The following TENT4B variants were observed in gnomAD, a reference collection of about 807,000 sequenced individuals.
The protein encoded by TENT4B is PAP associated domain containing 5.
TENT4B carries 10 observed loss-of-function variants against 75.0 expected under a neutral mutation model. That is an observed-to-expected ratio of 0.13 (90% CI 0.08 to 0.23). TENT4B has a LOEUF of 0.23. Among genes scored for constraint, TENT4B ranks in the 10% least tolerant of loss-of-function variants. The probability of loss-of-function intolerance (pLI) is 1.00; values close to 1 mark genes in which losing one functional copy is unlikely to be tolerated. For missense variants in TENT4B, 579 were observed against 893.8 expected, an observed-to-expected ratio of 0.65 and a Z score of 4.49; for synonymous variants, 350 against 357.7, an observed-to-expected ratio of 0.98 and a Z score of 0.24.
intron 1 of TENT4B, among the ~76,000 whole-genome samples, chr16:50,195,268 G>C (rs553965688): frequency 6.6e-6 from 1 of 152,150 alleles, no homozygotes; most frequent in Non-Finnish European, 1.5e-5. Context: ...TAGATGCTTT[G>C]TCCTGGTGAT....
intron 1 of TENT4B, among the ~76,000 whole-genome samples, chr16:50,197,569 G>C (rs1307734516): frequency 6.6e-6 from 1 of 152,192 alleles, no homozygotes; most frequent in Non-Finnish European, 1.5e-5. Context: ...GATTACAGGC[G>C]TGAGCCACCA....
At chr16:50,216,961 T>G (rs1353106704) in intron 4 of TENT4B, among the ~76,000 whole-genome samples, 1 of 152,210 alleles carries the variant, frequency 6.6e-6, no homozygotes, top group African/African-American at 2.4e-5. Context: ...CTTGTCAGGT[T>G]GTTTTTTGGG....
At chr16:50,167,385 GTT>G (rs34758987) in intron 1 of TENT4B, among the ~76,000 whole-genome samples, 1 of 141,712 alleles carries the variant, frequency 7.1e-6, no homozygotes, top group Non-Finnish European at 1.6e-5. Flanking sequence ...CATGCTGTGG[GTT>G]TTTTTTTTTT....
At chr16:50,171,675 T>C (rs998048278) in intron 1 of TENT4B, among the ~76,000 whole-genome samples, 1 of 152,258 alleles carries the variant, frequency 6.6e-6, no homozygotes, top group East Asian at 1.9e-4. Flanking sequence ...ATTAAAAATA[T>C]AGTTGTAGGC....
intron 7 of TENT4B, among the ~76,000 whole-genome samples, chr16:50,223,941 C>A (rs966974398): frequency 1.3e-5 from 2 of 152,122 alleles, no homozygotes; most frequent in African/African-American, 4.8e-5. Flanking sequence ...TTCTGAAGTT[C>A]TGTTTGCTTG....
chr16:50,207,966 G>C (rs1273047750), intron 1 of TENT4B, among the ~76,000 whole-genome samples: 1 of 152,184 alleles, frequency 6.6e-6, no homozygotes, highest in African/African-American at 2.4e-5. Flanking sequence ...ATCTGTACTT[G>C]AAGTTTATTT....
At chr16:50,191,047 T>C (rs2038628813) in intron 1 of TENT4B, among the ~76,000 whole-genome samples, 1 of 151,966 alleles carries the variant, frequency 6.6e-6, no homozygotes, top group African/African-American at 2.4e-5. Context: ...TCAACATGAC[T>C]TTCCTTTTAA....
At chr16:50,214,379 G>T (rs2031441758) in intron 3 of TENT4B, 112 bp downstream of exon 3, 1 of 792,672 alleles carries the variant, frequency 1.3e-6, no homozygotes. Flanking sequence ...AATGGGGCTG[G>T]GCATGGTGGC....
chr16:50,220,685 C>G (rs117688477), intron 5 of TENT4B, among the ~76,000 whole-genome samples: 19,545 of 151,926 alleles, frequency 0.13, 1,400 homozygotes, highest in East Asian at 0.25. Context: ...TGTGCCACCA[C>G]GCTGGGCTAA....
At chr16:50,153,196 C>G (rs572012057), upstream of TENT4B, among the ~76,000 whole-genome samples, 531 of 10,936 alleles carry the variant, frequency 0.049, 1 homozygote, top group Admixed American at 0.076. Flanking sequence ...GGGGGGGGGG[C>G]GGAGCGAGAG....
In TENT4B at chr16:50,221,016, A is replaced by G. The variant is rs148261709; in HGVS notation, c.1039-1290A>G. Among the ~76,000 whole-genome samples, 40 of 152,252 alleles carry G rather than the reference A, an allele frequency of 2.6e-4. No homozygotes were observed. The East Asian group carries it at 4.8e-3, about 18-fold the overall frequency. On this transcript the variant is annotated intron_variant, in intron 5 of 11. Coordinates refer to ENST00000561678, the MANE Select transcript of TENT4B (RefSeq NM_001365324.3). ...AAATGGAAATCACCGGCCAGGTGCT[A>G]TGTTTCACACCTGTAATCCCAACAC...
intron 5 of TENT4B, 108 bp downstream of exon 5, chr16:50,217,771 T>TCTCTCTCTCTCTCTCTCC: frequency 1.6e-6 from 1 of 627,734 alleles, no homozygotes. Context: ...TCTCTCTCTC[T>TCTCTCTCTCTCTCTCTCC]CTCTTTTAAA....
Position 50,232,760 on chromosome 16 carries a change from T to G in TENT4B, c.*3432T>G. 1.0e-6 allele frequency: 1 copy of G among 985,352 alleles called. No homozygotes were observed. Among genetic ancestry groups the G allele is most frequent in the Non-Finnish European group, 1.2e-6 (1 of 829,828 alleles). The allele number at this position is 985,352 out of a possible 1,614,324, so 61.0% of individuals were successfully genotyped here. On this transcript the variant is annotated 3_prime_UTR_variant, in exon 12 of 12. Transcript: ENST00000561678. ...ATTAGGTATTAGTGGTAGATGTTGC[T>G]GATACTTTTATTGGTCATGACTACA...
At chr16:50,216,237 A>G in intron 4 of TENT4B, 42 bp downstream of exon 4, 2 of 1,606,468 alleles carry the variant, frequency 1.2e-6, no homozygotes, top group Non-Finnish European at 1.7e-6. Flanking sequence ...TTAGTTATTT[A>G]CCTATGAAAC....
chr16:50,164,116 C>G (rs2038054102), intron 1 of TENT4B, among the ~76,000 whole-genome samples: 1 of 151,908 alleles, frequency 6.6e-6, no homozygotes, highest in South Asian at 2.1e-4. Context: ...AAGATTGTGC[C>G]ATTGCACTCC....
At position 50,235,006 on chromosome 16, in the gene TENT4B, C is replaced by T. The variant is rs115637669; in HGVS notation, c.*5678C>T. 3.3e-4 allele frequency: 324 copies of T among 985,818 alleles called. 1 individual carries two copies. The African/African-American group carries it at 4.7e-3, about 14-fold the overall frequency. 61.1% of individuals were successfully genotyped at this position (985,818 alleles called of 1,614,324 possible). A position where few individuals can be genotyped will look rare whatever the true frequency, so the allele number is the denominator to read the frequency against. ...CATCTTGAAAACTTTCCAATCTTGT[C>T]TAGTTACCACTGCAGAGACACTAAG... On this transcript the variant is annotated 3_prime_UTR_variant, in exon 12 of 12. Coordinates refer to ENST00000561678, the MANE Select transcript of TENT4B (RefSeq NM_001365324.3).
intron 1 of TENT4B, among the ~76,000 whole-genome samples, chr16:50,165,013 C>T (rs1030856145): frequency 2.0e-5 from 3 of 151,908 alleles, no homozygotes; most frequent in African/African-American, 7.3e-5. Flanking sequence ...AAGTTCATGC[C>T]ACTGCACTCC....
At chr16:50,154,539 C>A (rs528935755) in intron 1 of TENT4B, among the ~76,000 whole-genome samples, 1 of 151,798 alleles carries the variant, frequency 6.6e-6, no homozygotes, top group Non-Finnish European at 1.5e-5. Context: ...CCAGGCCCCC[C>A]CCTTTATCCA....
chr16:50,224,506 TG>T, intron 7 of TENT4B, 150 bp from the exon 8 acceptor site: 1 of 807,282 alleles, frequency 1.2e-6, no homozygotes, highest in South Asian at 1.8e-5. Context: ...ATTCAGAGAC[TG>T]GGGAGCTTTG....
Sources: gnomAD v4.1 joint callset for allele counts (sites outside exome capture counted in the v4.1 genomes callset) on GRCh38, gnomAD v4.1.1 for gene constraint, MANE v1.5 for transcripts, NCBI Gene and HGNC (gene_info 2026-07-23, HGNC 2026-07-21) for gene names.